ACTN4: variants seen among roughly 807,000 people sequenced by gnomAD.
ACTN4 encodes the protein actinin alpha 4.
Under a neutral mutation model 114.2 loss-of-function variants are expected in ACTN4, and 18 were observed. The ratio of observed to expected loss-of-function variants is 0.16; its 90% CI spans 0.11 to 0.23. The LOEUF is 0.23. Ranked by LOEUF, ACTN4 falls within the 10% of genes least tolerant of loss-of-function variation. The pLI, the probability that ACTN4 is intolerant of heterozygous loss-of-function variation, is 1.00. For missense variants in ACTN4, 722 were observed against 1,262.9 expected, an observed-to-expected ratio of 0.57 and a Z score of 6.49; for synonymous variants, 515 against 506.3, an observed-to-expected ratio of 1.02 and a Z score of -0.23.
At chr19:38,700,572 C>T (rs746143358) in intron 1 of ACTN4, 28 bp from the exon 2 acceptor site, 8 of 1,582,926 alleles carry the variant, frequency 5.1e-6, no homozygotes, top group African/African-American at 1.3e-5. Flanking sequence ...GCTGACTCTG[C>T]GCACTGTCCT....
intron 1 of ACTN4, among the ~76,000 whole-genome samples, chr19:38,660,343 A>G (rs1976844470): frequency 6.6e-6 from 1 of 151,984 alleles, no homozygotes. Flanking sequence ...CTAGCATTTT[A>G]CCTTGTGCTA....
chr19:38,655,914 G>C (rs1787419142), intron 1 of ACTN4, among the ~76,000 whole-genome samples: 1 of 152,172 alleles, frequency 6.6e-6, no homozygotes, highest in Non-Finnish European at 1.5e-5. Context: ...TTGTTACACT[G>C]TGCTGTTTAG....
intron 3 of ACTN4, among the ~76,000 whole-genome samples, chr19:38,701,469 A>G (rs1968274840): frequency 6.6e-6 from 1 of 152,172 alleles, no homozygotes; most frequent in African/African-American, 2.4e-5. Context: ...GACAGTGACA[A>G]ACATGTGCCA....
At chr19:38,688,452 T>G (rs35074956) in intron 1 of ACTN4, among the ~76,000 whole-genome samples, 8,386 of 149,886 alleles carry the variant, frequency 0.056, 253 homozygotes, top group South Asian at 0.095. Flanking sequence ...GCGCCTGTTG[T>G]CCCAGCTAGT....
At chr19:38,687,482 A>C (rs533743847) in intron 1 of ACTN4, among the ~76,000 whole-genome samples, 8 of 152,326 alleles carry the variant, frequency 5.3e-5, no homozygotes, top group African/African-American at 1.9e-4. Context: ...CCATACATCT[A>C]TTGTCAATTG....
At chr19:38,699,384 G>A (rs926043238) in intron 1 of ACTN4, among the ~76,000 whole-genome samples, 4 of 152,152 alleles carry the variant, frequency 2.6e-5, no homozygotes, top group Non-Finnish European at 5.9e-5. Context: ...CCTTAGATGC[G>A]GCTGCCTGAC....
rs1413300473 is a variant in ACTN4 at position 38,729,457 on chromosome 19, C to T, written c.*25C>T. 1 of 1,611,738 alleles carries T rather than the reference C, an allele frequency of 6.2e-7. No homozygotes were observed. Among genetic ancestry groups the T allele is most frequent in the African/African-American group, 1.3e-5 (1 of 74,928 alleles). On this transcript the variant is annotated 3_prime_UTR_variant, in exon 21 of 21. Transcript: ENST00000252699. Reference sequence around the variant, plus strand: ...AGGCCCCAGAGACCTGACCCAACACCCCCGACGGCCTCCAGGAGGGGCCTG... The same window carrying T: ...AGGCCCCAGAGACCTGACCCAACACTCCCGACGGCCTCCAGGAGGGGCCTG...
intron 8 of ACTN4, 54 bp downstream of exon 8, chr19:38,710,396 C>T: frequency 6.4e-7 from 1 of 1,567,292 alleles, no homozygotes; most frequent in Non-Finnish European, 8.7e-7. Flanking sequence ...AATGCCGCCG[C>T]TGCCTCTCGC....
At chr19:38,673,576 TTC>T (rs1568689983) in intron 1 of ACTN4, among the ~76,000 whole-genome samples, 1 of 48,926 alleles carries the variant, frequency 2.0e-5, no homozygotes, top group African/African-American at 6.1e-5. Context: ...TTTATATATA[TTC>T]ATATATATTT....
At chr19:38,710,221 T>C (rs1054630698) in intron 7 of ACTN4, 36 bp from the exon 8 acceptor site, 17 of 1,609,970 alleles carry the variant, frequency 1.1e-5, no homozygotes, top group Non-Finnish European at 1.4e-5. Context: ...CCCCCCGCCC[T>C]ACTCGGGCAG....
At chr19:38,699,736 CAG>C (rs1170056023) in intron 1 of ACTN4, among the ~76,000 whole-genome samples, 2 of 147,276 alleles carry the variant, frequency 1.4e-5, no homozygotes, top group East Asian at 4.0e-4. Context: ...GCCTGGGTGA[CAG>C]AGCGAGACTC....
At chr19:38,651,778 C>T (rs1005475080) in intron 1 of ACTN4, among the ~76,000 whole-genome samples, 1 of 152,008 alleles carries the variant, frequency 6.6e-6, no homozygotes, top group Non-Finnish European at 1.5e-5. Flanking sequence ...ACTCTGTCAC[C>T]AGGCTGGAGT....
At position 38,680,212 on chromosome 19, in the gene ACTN4, GTTTTTTTTTTTT is replaced by G. The variant is rs75920199; in HGVS notation, c.163-20366_163-20355del. Among the ~76,000 whole-genome samples, 87 of 124,320 alleles carry G rather than the reference GTTTTTTTTTTTT, an allele frequency of 7.0e-4. 1 individual carries two copies. Among genetic ancestry groups the G allele is most frequent in the South Asian group, 1.3e-3 (5 of 3,770 alleles). The allele number at this position is 124,320 out of a possible 152,430, so 81.6% of individuals were successfully genotyped here. On this transcript the variant is annotated intron_variant, in intron 1 of 20. Coordinates refer to ENST00000252699, the MANE Select transcript of ACTN4 (RefSeq NM_004924.6). ...CCTGTCCATAGCTGGAGCTCAGGAAGTTTTTTTTTTTTTTTTTTTTTTTTTTTTTTTTTAAAG... is the reference window on the plus strand; with the variant it reads ...CCTGTCCATAGCTGGAGCTCAGGAAGTTTTTTTTTTTTTTTTTTTTTAAAG...
At chr19:38,649,529 A>G (rs1216322215) in intron 1 of ACTN4, among the ~76,000 whole-genome samples, 2 of 152,160 alleles carry the variant, frequency 1.3e-5, no homozygotes, top group Admixed American at 1.3e-4. Context: ...CAGTTTTGTT[A>G]TCTGCAAAAT....
chr19:38,663,743 T>C (rs928319596), intron 1 of ACTN4, among the ~76,000 whole-genome samples: 3 of 152,178 alleles, frequency 2.0e-5, no homozygotes, highest in African/African-American at 7.2e-5. Flanking sequence ...TGAGGTACCA[T>C]GCTCATCTTG....
intron 1 of ACTN4, among the ~76,000 whole-genome samples, chr19:38,699,977 T>G (rs1291172658): frequency 1.3e-5 from 2 of 152,140 alleles, no homozygotes; most frequent in African/African-American, 4.8e-5. Flanking sequence ...TGGGAGCTTT[T>G]CTTTTCCTGC....
chr19:38,659,114 G>A (rs988660751), intron 1 of ACTN4, among the ~76,000 whole-genome samples: 1 of 130,268 alleles, frequency 7.7e-6, no homozygotes, highest in African/African-American at 2.8e-5. Context: ...AGGCTGGAGT[G>A]TAGTGGTGCA....
intron 1 of ACTN4, among the ~76,000 whole-genome samples, chr19:38,651,476 A>G (rs184266915): frequency 1.1e-4 from 16 of 152,286 alleles, no homozygotes; most frequent in Non-Finnish European, 1.9e-4. Flanking sequence ...GGGTAACCTC[A>G]TCACCCTCTG....
chr19:38,659,800 T>C (rs1976825728), intron 1 of ACTN4, among the ~76,000 whole-genome samples: 1 of 152,226 alleles, frequency 6.6e-6, no homozygotes, highest in Non-Finnish European at 1.5e-5. Context: ...GGTTCAATTA[T>C]GTCAGAGTAT....
Sources: gnomAD v4.1 joint callset for allele counts (sites outside exome capture counted in the v4.1 genomes callset) on GRCh38, gnomAD v4.1.1 for gene constraint, MANE v1.5 for transcripts, NCBI Gene and HGNC (gene_info 2026-07-23, HGNC 2026-07-21) for gene names.